Variants in MAP4 observed in about 807,000 individuals in gnomAD.
The protein encoded by MAP4 is microtubule associated protein 4.
MAP4 carries 76 observed loss-of-function variants against 170.2 expected under a neutral mutation model. The observed-to-expected ratio is 0.45, with a 90% CI of 0.37 to 0.54. The LOEUF (loss-of-function observed/expected upper bound fraction) is 0.54, where lower values mean the gene tolerates loss of function less well. Among genes scored for constraint, MAP4 ranks in the 20% least tolerant of loss-of-function variants. The pLI is 0.00. For missense variants in MAP4, 2,506 were observed against 2,748.0 expected, an observed-to-expected ratio of 0.91 and a Z score of 1.97; for synonymous variants, 909 against 994.5, an observed-to-expected ratio of 0.91 and a Z score of 1.62.
At chr3:47,903,084 C>T in intron 9 of MAP4, 84 bp from the exon 10 acceptor site, 1 of 397,068 alleles carries the variant, frequency 2.5e-6, no homozygotes, top group African/African-American at 2.2e-5. Context: ...GGATCCCAAA[C>T]TGTCCCATTC....
intron 1 of MAP4, among the ~76,000 whole-genome samples, chr3:48,075,982 A>C (rs913706097): frequency 1.0e-4 from 15 of 150,186 alleles, no homozygotes; most frequent in Non-Finnish European, 2.1e-4. Flanking sequence ...CTCAAAAAAA[A>C]AAAAAAAAAA....
chr3:47,996,737 GACACACACACACACACAC>G (rs57673370), intron 2 of MAP4, among the ~76,000 whole-genome samples: 1 of 146,434 alleles, frequency 6.8e-6, no homozygotes, highest in Non-Finnish European at 1.5e-5. Flanking sequence ...CAAAAACTAA[GACACACACACACACACAC>G]ACACACACAC....
intron 16 of MAP4, among the ~76,000 whole-genome samples, chr3:47,868,364 C>G (rs2084357263): frequency 6.6e-6 from 1 of 152,212 alleles, no homozygotes; most frequent in Admixed American, 6.5e-5. Context: ...TAGCCTTTTT[C>G]ACAACTTTGA....
At chr3:48,071,051 A>G (rs748633552) in intron 1 of MAP4, among the ~76,000 whole-genome samples, 17 of 152,120 alleles carry the variant, frequency 1.1e-4, no homozygotes, top group Middle Eastern at 6.8e-3. Context: ...TGAAGTAAAA[A>G]GGAACTACCC....
In MAP4 at chr3:47,867,099, G is replaced by T. The variant is rs944481669; in HGVS notation, c.6501+147C>A. 19 of 592,752 alleles carry T rather than the reference G, an allele frequency of 3.2e-5. No homozygotes were observed. In the Admixed American group the frequency reaches 4.6e-4, roughly 14 times the overall value. 36.7% of individuals were successfully genotyped at this position (592,752 alleles called of 1,614,324 possible). On this transcript the variant is annotated intron_variant, in intron 17 of 20. Coordinates refer to ENST00000683076, the MANE Select transcript of MAP4 (RefSeq NM_001385682.1). ...ACCCTGTCTAACATGGGAGCATCAA[G>T]GTCCCCTCACTTTGCTAGTCTGCTT... is the stretch of plus-strand genomic sequence containing the variant.
chr3:47,956,540 C>T (rs1401485154), intron 3 of MAP4, among the ~76,000 whole-genome samples: 1 of 152,154 alleles, frequency 6.6e-6, no homozygotes, highest in Non-Finnish European at 1.5e-5. Flanking sequence ...GAGATTTATA[C>T]TCATTTATGA....
chr3:47,892,333 C>G, intron 10 of MAP4: 1 of 1,536,288 alleles, frequency 6.5e-7, no homozygotes, highest in Non-Finnish European at 8.7e-7. Context: ...TGCTGACATT[C>G]AGCCCAATTT....
chr3:47,891,372 G>A, intron 10 of MAP4: 1 of 1,536,116 alleles, frequency 6.5e-7, no homozygotes. Context: ...AAGATGGGCA[G>A]TTTCCCAGGG....
chr3:47,929,741 A>G (rs2100048369), intron 3 of MAP4, among the ~76,000 whole-genome samples: 1 of 152,008 alleles, frequency 6.6e-6, no homozygotes, highest in Non-Finnish European at 1.5e-5. Context: ...GATTAGGCAA[A>G]GATTTCTTAG....
At chr3:47,927,312 A>G (rs570078907) in intron 4 of MAP4, among the ~76,000 whole-genome samples, 6 of 152,296 alleles carry the variant, frequency 3.9e-5, no homozygotes, top group African/African-American at 1.2e-4. Flanking sequence ...CTTATAAGTT[A>G]GATGTCAAAA....
rs1193940244 is a variant in MAP4, at chr3:47,872,049, C to T, written c.5809G>A (p.Ala1937Thr). 3 of 1,613,436 alleles carry T rather than the reference C, an allele frequency of 1.9e-6. No individual in the cohort carries two copies. Among genetic ancestry groups the T allele is most frequent in the Non-Finnish European group, 2.5e-6 (3 of 1,179,508 alleles). Residue 1937 changes from alanine (A) to threonine (T), a missense_variant, in exon 13 of 21, where the codon GCT (alanine) becomes ACT (threonine). By Grantham distance (58) the Ala-to-Thr change is moderately conservative (BLOSUM62 0). Coordinates refer to ENST00000683076, the MANE Select transcript of MAP4 (RefSeq NM_001385682.1). ...PEKRASPSKP[A>T]SAPASRSGSK... ...CCAGATCTGGAGGCTGGGGCAGAAGCTGGCTTGGATGGTGAGGCCCGCTTC... is the reference window on the plus strand; with the variant it reads ...CCAGATCTGGAGGCTGGGGCAGAAGTTGGCTTGGATGGTGAGGCCCGCTTC...
chr3:47,928,786 G>A (rs1426990247), intron 3 of MAP4, among the ~76,000 whole-genome samples: 1 of 150,554 alleles, frequency 6.6e-6, no homozygotes, highest in Non-Finnish European at 1.5e-5. Flanking sequence ...AAAGAACAAG[G>A]ATAAAACTGT....
intron 19 of MAP4, among the ~76,000 whole-genome samples, chr3:47,854,445 G>A (rs566403228): frequency 1.5e-4 from 23 of 152,312 alleles, no homozygotes; most frequent in Admixed American, 3.9e-4. Context: ...AGCAGAGATG[G>A]AAGGGAAGGC....
intron 1 of MAP4, among the ~76,000 whole-genome samples, chr3:48,051,610 T>C (rs180678741): frequency 1.3e-5 from 2 of 152,320 alleles, no homozygotes; most frequent in African/African-American, 2.4e-5. Context: ...TATACAGCTA[T>C]GTGAAGTCTA....
chr3:47,877,211 T>C (rs1049106054), intron 11 of MAP4: 16 of 496,196 alleles, frequency 3.2e-5, no homozygotes, highest in Middle Eastern at 5.7e-4. Context: ...TATAAGATAA[T>C]AGGGTCAAAG....
rs2100039324 is a variant in MAP4 at position 47,916,549 on chromosome 3, T to A, written c.1278A>T (p.Ser426=). 4 of 1,614,144 alleles carry A rather than the reference T, an allele frequency of 2.5e-6. No individual in the cohort carries two copies. The highest frequency in any genetic ancestry group is 3.4e-6 in the Non-Finnish European group (4 of 1,179,954). ...TCTCAGCAGAGGATATTTCTGTGGA[T>A]GATATAATGTCATTAGCCTGTGCCA... ...IEVAQANDII[S]STEISSAEKV... is the part of the protein sequence containing the mutation. The change falls in exon 7 of 21, where the codon TCA becomes TCT. Residue 426 remains serine (S), a synonymous_variant. Coordinates refer to ENST00000683076, the MANE Select transcript of MAP4 (RefSeq NM_001385682.1).
Position 47,903,015 on chromosome 3 carries a change from G to A in MAP4, c.5384-15C>T. 1.0e-6 allele frequency: 1 copy of A among 982,770 alleles called. No homozygotes were observed. The highest frequency in any genetic ancestry group is 1.2e-6 in the Non-Finnish European group (1 of 827,552). 60.9% of individuals were successfully genotyped at this position (982,770 alleles called of 1,614,324 possible). A position where few individuals can be genotyped will look rare whatever the true frequency, so the allele number is the denominator to read the frequency against. ...GCTCAAGCAAACTGAAGAAAGAAAT[G>A]AAAGCCAGATTATAAGAAGACCAGG... On this transcript the variant is annotated splice_polypyrimidine_tract_variant and intron_variant, in intron 9 of 20. Transcript: ENST00000683076.
At chr3:48,054,201 G>A (rs2100129383) in intron 1 of MAP4, among the ~76,000 whole-genome samples, 1 of 152,112 alleles carries the variant, frequency 6.6e-6, no homozygotes, top group African/African-American at 2.4e-5. Flanking sequence ...AGGAGGCTGA[G>A]GAAGGAGAAT....
rs142267481 is a variant in MAP4, at chr3:48,045,831, G to T, written c.-20+42942C>A. Among the ~76,000 whole-genome samples the T allele has an allele frequency of 1.7e-3, 265 of 152,250 alleles. 3 individuals carry two copies. The South Asian group carries it at 0.032, about 18-fold the overall frequency. On this transcript the variant is annotated intron_variant, in intron 1 of 18. Transcript: ENST00000360240. ...GCTGGGATTACAGGCGTAAGCCACCGCGCCCGGCTGCAATAGACATCTTTT... is the reference window on the plus strand; with the variant it reads ...GCTGGGATTACAGGCGTAAGCCACCTCGCCCGGCTGCAATAGACATCTTTT...
Sources: allele counts gnomAD v4.1 joint callset (sites outside exome capture counted in the v4.1 genomes callset), GRCh38; gene constraint gnomAD v4.1.1; transcripts MANE v1.5; gene names NCBI Gene and HGNC (gene_info 2026-07-23, HGNC 2026-07-21).